CNTN6: variants seen among roughly 807,000 people sequenced by gnomAD.
The protein encoded by CNTN6 is contactin 6.
CNTN6 carries 137 observed loss-of-function variants against 122.8 expected under a neutral mutation model. The ratio of observed to expected loss-of-function variants is 1.12; its 90% confidence interval spans 0.97 to 1.29. The LOEUF is 1.29. Among genes scored for constraint, CNTN6 ranks in the 50% most tolerant of loss-of-function variants. The pLI, the probability that CNTN6 is intolerant of heterozygous loss-of-function variation, is 0.00. For synonymous variants in CNTN6, 570 were observed against 426.0 expected (o/e 1.34, Z -4.16); for missense variants, 1,634 against 1,223.4 (o/e 1.34, Z -5.01).
chr3:1,166,600 TTATC>T lies in CNTN6; in HGVS notation c.55+18542_55+18545del, dbSNP rs1402368002. On this transcript the variant is annotated intron_variant, in intron 2 of 22. Coordinates refer to ENST00000446702, the MANE Select transcript of CNTN6 (RefSeq NM_001289080.2). ...GCTACTGGGGAAGGAAGCACAGCAC[TTATC>T]TATCAGTAGGGCTAGGGAGCTCTTA... 5.9e-5 allele frequency among the ~76,000 whole-genome samples: 9 copies of T among 152,264 alleles called. No homozygotes were observed. The East Asian group carries it at 1.5e-3, about 26-fold the overall frequency.
intron 2 of CNTN6, among the ~76,000 whole-genome samples, chr3:1,182,737 T>C (rs2093574818): frequency 6.6e-6 from 1 of 152,122 alleles, no homozygotes; most frequent in Admixed American, 6.6e-5. Flanking sequence ...GCTTGTGATA[T>C]AAAATTATAT....
intron 2 of CNTN6, among the ~76,000 whole-genome samples, chr3:1,216,788 A>T (rs533071934): frequency 2.3e-4 from 35 of 152,340 alleles, no homozygotes; most frequent in African/African-American, 7.5e-4. Flanking sequence ...ATTTTACCCA[A>T]TTGCAAATAT....
chr3:1,121,784 A>G (rs2091958025), intron 1 of CNTN6, among the ~76,000 whole-genome samples: 1 of 151,914 alleles, frequency 6.6e-6, no homozygotes, highest in Non-Finnish European at 1.5e-5. Context: ...CTATTTTATT[A>G]CTATTGTTGA....
chr3:1,133,602 C>A (rs1007373189), intron 1 of CNTN6, among the ~76,000 whole-genome samples: 1 of 152,126 alleles, frequency 6.6e-6, no homozygotes, highest in Non-Finnish European at 1.5e-5. Context: ...CTGTGACTGC[C>A]CCCTCTTGAG....
At chr3:1,331,844 A>T (rs1271694425) in intron 11 of CNTN6, among the ~76,000 whole-genome samples, 1 of 151,336 alleles carries the variant, frequency 6.6e-6, no homozygotes, top group Non-Finnish European at 1.5e-5. Context: ...GAGAGAAAAA[A>T]AAAAGCTAAG....
At position 1,385,720 on chromosome 3, in the gene CNTN6, T is replaced by C. The variant is rs768757070; in HGVS notation, c.2627T>C (p.Phe876Ser). ...ITGLKANTIY[F>S]ASVRAYNTAG... is the part of the protein sequence containing the mutation. Reference sequence around the variant, plus strand: ...GGGCTGAAAGCTAATACCATCTACTTTGCTTCCGTAAGAGCTTACAACACT... The same window carrying C: ...GGGCTGAAAGCTAATACCATCTACTCTGCTTCCGTAAGAGCTTACAACACT... Residue 876 changes from phenylalanine (F) to serine (S), a missense_variant, in exon 20 of 23, where the codon TTT (phenylalanine) becomes TCT (serine). Phe to Ser is a radical substitution (Grantham distance 155). Transcript: ENST00000446702. The C allele has an allele frequency of 2.5e-5, 40 of 1,614,116 alleles. No individual in the cohort carries two copies. The South Asian group carries it at 4.4e-4, about 18-fold the overall frequency.
At chr3:1,388,356 C>CTGT (rs574030306) in intron 20 of CNTN6, among the ~76,000 whole-genome samples, 4,144 of 148,088 alleles carry the variant, frequency 0.028, 176 homozygotes, top group South Asian at 0.052. Context: ...AGGGTCCTGT[C>CTGT]TGTTAGAAGG....
intron 2 of CNTN6, among the ~76,000 whole-genome samples, chr3:1,170,858 G>A (rs2093346425): frequency 6.6e-6 from 1 of 152,152 alleles, no homozygotes; most frequent in Admixed American, 6.6e-5. Context: ...TACAAACCTT[G>A]CTTAGCATCT....
chr3:1,161,517 GATA>G (rs894479951), intron 2 of CNTN6, among the ~76,000 whole-genome samples: 1 of 151,486 alleles, frequency 6.6e-6, no homozygotes, highest in Admixed American at 6.6e-5. Context: ...TAGTAAATTT[GATA>G]ATAAACATGT....
chr3:1,256,440 A>G (rs2094760166), intron 4 of CNTN6, among the ~76,000 whole-genome samples: 1 of 152,088 alleles, frequency 6.6e-6, no homozygotes, highest in South Asian at 2.1e-4. Flanking sequence ...TGGATAATTG[A>G]TATTTATTAT....
At chr3:1,198,070 T>C (rs2093804468) in intron 2 of CNTN6, among the ~76,000 whole-genome samples, 1 of 152,184 alleles carries the variant, frequency 6.6e-6, no homozygotes, top group African/African-American at 2.4e-5. Flanking sequence ...CAGGCGAGCA[T>C]TCTAAGAGAT....
At chr3:1,111,994 G>T (rs1574886118) in intron 1 of CNTN6, among the ~76,000 whole-genome samples, 1 of 152,098 alleles carries the variant, frequency 6.6e-6, no homozygotes, top group South Asian at 2.1e-4. Flanking sequence ...CTTAAAAATG[G>T]AACTATTATG....
At chr3:1,121,163 C>T (rs1326002643) in intron 1 of CNTN6, among the ~76,000 whole-genome samples, 1 of 151,876 alleles carries the variant, frequency 6.6e-6, no homozygotes, top group African/African-American at 2.4e-5. Flanking sequence ...ACTCCCTTTC[C>T]TTTTTCTGTG....
intron 6 of CNTN6, 104 bp from the exon 7 acceptor site, chr3:1,297,785 A>C (rs1696528014): frequency 1.2e-6 from 1 of 819,844 alleles, no homozygotes; most frequent in Admixed American, 2.4e-5. Context: ...GAAAACCCTA[A>C]CTCTTATTAA....
intron 10 of CNTN6, among the ~76,000 whole-genome samples, chr3:1,329,067 T>C (rs918853032): frequency 6.6e-6 from 1 of 151,410 alleles, no homozygotes; most frequent in Non-Finnish European, 1.5e-5. Flanking sequence ...TATATACATA[T>C]ATAAATCACA....
chr3:1,296,535 C>T (rs989630117), intron 6 of CNTN6, among the ~76,000 whole-genome samples: 1 of 152,050 alleles, frequency 6.6e-6, no homozygotes, highest in African/African-American at 2.4e-5. Flanking sequence ...TTTGTTGGTG[C>T]ATTTTATGAT....
At chr3:1,396,854 T>A (rs1219641746) in intron 20 of CNTN6, among the ~76,000 whole-genome samples, 1 of 152,210 alleles carries the variant, frequency 6.6e-6, no homozygotes, top group African/African-American at 2.4e-5. Flanking sequence ...ACTTTGACTC[T>A]CCATGTCCTT....
In CNTN6 at chr3:1,386,739, T is replaced by C. The variant is rs155235; in HGVS notation, c.2704+942T>C. ...ATCCTGATGAATGAAAGATAACAAA[T>C]ATAGTTGCTGAATTTTGAGAAAGAC... is the stretch of plus-strand genomic sequence containing the variant. On this transcript the variant is annotated intron_variant, in intron 20 of 22. Transcript: ENST00000446702. Among the ~76,000 whole-genome samples the C allele has an allele frequency of 5.0e-3, 765 of 152,208 alleles. 5 individuals are homozygous for C. Among genetic ancestry groups the C allele is most frequent in the African/African-American group, 0.018 (743 of 41,486 alleles).
At chr3:1,365,254 C>T (rs1306143673) in intron 12 of CNTN6, among the ~76,000 whole-genome samples, 1 of 151,998 alleles carries the variant, frequency 6.6e-6, no homozygotes, top group Non-Finnish European at 1.5e-5. Context: ...AATCCCAAAC[C>T]TCAATAATTT....
Sources: gnomAD v4.1 joint callset for allele counts (sites outside exome capture counted in the v4.1 genomes callset) on GRCh38, gnomAD v4.1.1 for gene constraint, MANE v1.5 for transcripts, NCBI Gene and HGNC (gene_info 2026-07-23, HGNC 2026-07-21) for gene names.